The following CDH8 variants were observed in gnomAD, a reference collection of about 807,000 sequenced individuals.
CDH8 encodes the protein cadherin-8.
A neutral mutation model predicts 68.1 loss-of-function variants in CDH8; 17 were observed. The observed-to-expected ratio is 0.25, with a 90% CI of 0.17 to 0.37. The LOEUF is 0.37. CDH8 is among the 10% of genes least tolerant of loss of function. The pLI, the probability that CDH8 is intolerant of heterozygous loss-of-function variation, is 1.00. For missense variants in CDH8, 763 were observed against 999.3 expected (o/e 0.76, Z 3.19); for synonymous variants, 372 against 365.1 (o/e 1.02, Z -0.21).
rs140481770 is a variant in CDH8 at position 61,712,503 on chromosome 16, G to C, written c.1654+1338C>G. Reference sequence around the variant, plus strand: ...CTAGTTCAAAATCAGAATAAACACGGACCACACTTATGCACAGACTTCCAG... The same window carrying C: ...CTAGTTCAAAATCAGAATAAACACGCACCACACTTATGCACAGACTTCCAG... On this transcript the variant is annotated intron_variant, in intron 10 of 11. Coordinates refer to ENST00000577390, the MANE Select transcript of CDH8 (RefSeq NM_001796.5). Among the ~76,000 whole-genome samples the C allele has an allele frequency of 5.0e-3, 758 of 151,762 alleles. 5 individuals carry two copies. Among genetic ancestry groups the C allele is most frequent in the Non-Finnish European group, 8.1e-3 (550 of 67,702 alleles).
chr16:61,721,435 A>G (rs1355949136), intron 9 of CDH8, among the ~76,000 whole-genome samples: 4 of 150,862 alleles, frequency 2.7e-5, no homozygotes, highest in African/African-American at 4.8e-5. Flanking sequence ...TGAGTGTTAT[A>G]AAGTGCCATA....
chr16:61,801,658 C>T (rs374071205), intron 7 of CDH8, among the ~76,000 whole-genome samples: 2 of 152,136 alleles, frequency 1.3e-5, no homozygotes, highest in East Asian at 1.9e-4. Flanking sequence ...ACCTGGGAAG[C>T]GCAAGGGGTC....
chr16:61,704,015 T>C (rs563209372), intron 10 of CDH8, among the ~76,000 whole-genome samples: 1 of 152,282 alleles, frequency 6.6e-6, no homozygotes, highest in South Asian at 2.1e-4. Flanking sequence ...AATTTCCTTT[T>C]GGAGAATCAA....
intron 1 of CDH8, among the ~76,000 whole-genome samples, chr16:62,027,710 C>T (rs1401485168): frequency 5.9e-5 from 9 of 152,272 alleles, no homozygotes; most frequent in African/African-American, 1.7e-4. Flanking sequence ...GAGCAATTCA[C>T]CCAAGCCCTG....
intron 2 of CDH8, among the ~76,000 whole-genome samples, chr16:61,948,813 A>G (rs1964840816): frequency 6.6e-6 from 1 of 152,226 alleles, no homozygotes; most frequent in African/African-American, 2.4e-5. Context: ...AAAAATAGAA[A>G]GTAATCTGTA....
At chr16:61,674,130 A>G (rs562399051) in intron 10 of CDH8, among the ~76,000 whole-genome samples, 1 of 152,250 alleles carries the variant, frequency 6.6e-6, no homozygotes, top group East Asian at 1.9e-4. Context: ...AGAAAGATAC[A>G]CCATAAAAGT....
intron 2 of CDH8, among the ~76,000 whole-genome samples, chr16:62,007,715 C>G (rs1160739579): frequency 1.3e-5 from 2 of 152,116 alleles, no homozygotes; most frequent in African/African-American, 4.8e-5. Flanking sequence ...ACTCAGTGGA[C>G]CCTGAATCCA....
chr16:61,861,405 G>A (rs1963147183), intron 3 of CDH8, among the ~76,000 whole-genome samples: 1 of 152,084 alleles, frequency 6.6e-6, no homozygotes, highest in African/African-American at 2.4e-5. Context: ...TGGAAGATAG[G>A]ATATTTTCTC....
At chr16:61,962,576 A>C (rs1357280480) in intron 2 of CDH8, among the ~76,000 whole-genome samples, 1 of 152,200 alleles carries the variant, frequency 6.6e-6, no homozygotes, top group East Asian at 1.9e-4. Flanking sequence ...CTGAAGCATC[A>C]CTTATAATAC....
chr16:62,008,501 T>A (rs1399019472), intron 2 of CDH8, among the ~76,000 whole-genome samples: 1 of 152,062 alleles, frequency 6.6e-6, no homozygotes, highest in Non-Finnish European at 1.5e-5. Flanking sequence ...AAATGCATTC[T>A]TTCTTGGGGG....
At chr16:61,863,180 T>G (rs925451850) in intron 3 of CDH8, among the ~76,000 whole-genome samples, 5 of 152,172 alleles carry the variant, frequency 3.3e-5, no homozygotes, top group Admixed American at 6.6e-5. Context: ...TTTTTCTTTT[T>G]TGCATTTAGT....
chr16:61,788,099 A>G (rs1356968272), intron 8 of CDH8, among the ~76,000 whole-genome samples: 2 of 151,976 alleles, frequency 1.3e-5, no homozygotes, highest in South Asian at 2.1e-4. Context: ...AAAAAAAAAA[A>G]AAAGAAACAA....
At chr16:61,771,361 C>A (rs1159941903) in intron 8 of CDH8, among the ~76,000 whole-genome samples, 1 of 149,332 alleles carries the variant, frequency 6.7e-6, no homozygotes, top group African/African-American at 2.5e-5. Context: ...CAAATGCTGG[C>A]TCAGTATGGG....
intron 8 of CDH8, among the ~76,000 whole-genome samples, chr16:61,749,707 C>A (rs987274179): frequency 6.6e-6 from 1 of 151,822 alleles, no homozygotes; most frequent in Non-Finnish European, 1.5e-5. Context: ...TTTATTTGTC[C>A]CCGTTTTATT....
At chr16:61,861,342 G>A (rs1963146133) in intron 3 of CDH8, among the ~76,000 whole-genome samples, 1 of 152,186 alleles carries the variant, frequency 6.6e-6, no homozygotes, top group Admixed American at 6.5e-5. Context: ...CGTTTGTAAA[G>A]TGAAGTATTC....
intron 2 of CDH8, among the ~76,000 whole-genome samples, chr16:62,003,618 A>G (rs1372342949): frequency 1.3e-5 from 2 of 152,302 alleles, no homozygotes; most frequent in Non-Finnish European, 2.9e-5. Flanking sequence ...GGTGGTCCGC[A>G]GCATTACAGA....
At chr16:61,746,557 AC>A (rs1960028240) in intron 8 of CDH8, among the ~76,000 whole-genome samples, 2 of 17,604 alleles carry the variant, frequency 1.1e-4, no homozygotes, top group Non-Finnish European at 1.8e-4. Flanking sequence ...TTCCCCCCCA[AC>A]ACACACACAC....
intron 7 of CDH8, among the ~76,000 whole-genome samples, chr16:61,793,762 T>G (rs1040706026): frequency 2.0e-5 from 3 of 152,074 alleles, no homozygotes; most frequent in Non-Finnish European, 4.4e-5. Flanking sequence ...CCTTTGGGTA[T>G]ATGCCCAGTA....
Position 61,929,748 on chromosome 16 carries a change from C to T in CDH8, c.253-28275G>A, listed in dbSNP as rs1044802086. Among the ~76,000 whole-genome samples the T allele has an allele frequency of 2.6e-5, 4 of 151,956 alleles. No individual in the cohort carries two copies. The South Asian group carries it at 8.3e-4, about 32-fold the overall frequency. On this transcript the variant is annotated intron_variant, in intron 2 of 11. Coordinates refer to ENST00000577390, the MANE Select transcript of CDH8 (RefSeq NM_001796.5). ...CAAAAAAAATTAAAAATTTTAGCCA[C>T]ACGTGGTGGCAAATGCCTGTAGTTC...
Sources: allele counts gnomAD v4.1 joint callset (sites outside exome capture counted in the v4.1 genomes callset), GRCh38; gene constraint gnomAD v4.1.1; transcripts MANE v1.5; gene names NCBI Gene and HGNC (gene_info 2026-07-23, HGNC 2026-07-21).